PPARGC1A: variants seen among roughly 807,000 people sequenced by gnomAD.
The protein encoded by PPARGC1A is peroxisome proliferator-activated receptor gamma coactivator 1-alpha.
Under a neutral mutation model 88.7 loss-of-function variants are expected in PPARGC1A, and 25 were observed. That is an observed-to-expected ratio of 0.28 (90% confidence interval 0.21 to 0.39). PPARGC1A has a LOEUF of 0.39. Among genes scored for constraint, PPARGC1A ranks in the 10% least tolerant of loss-of-function variants. The pLI is 1.00. For synonymous variants in PPARGC1A, 363 were observed against 355.6 expected (o/e 1.02, Z -0.24); for missense variants, 880 against 968.7 (o/e 0.91, Z 1.22).
the PPARGC1A span, among the ~76,000 whole-genome samples, chr4:24,110,180 T>C: frequency 6.6e-6 from 1 of 152,194 alleles, no homozygotes; most frequent in African/African-American, 2.4e-5. Context: ...CCATCTGGTC[T>C]ACCCTACCCA....
chr4:24,188,349 A>C, the PPARGC1A span, among the ~76,000 whole-genome samples: 20 of 152,148 alleles, frequency 1.3e-4, no homozygotes, highest in African/African-American at 4.8e-4. Flanking sequence ...CCATCTTCAC[A>C]TCAGGCTTTC....
chr4:24,268,568 C>T, the PPARGC1A span, among the ~76,000 whole-genome samples: 6 of 152,196 alleles, frequency 3.9e-5, no homozygotes, highest in South Asian at 2.1e-4. Context: ...TTGTTTAAAG[C>T]GTTTCTATGG....
At chr4:24,349,532 G>T in the PPARGC1A span, among the ~76,000 whole-genome samples, 1 of 152,244 alleles carries the variant, frequency 6.6e-6, no homozygotes, top group Admixed American at 6.5e-5. Context: ...GTGTACCTAG[G>T]AGGATTATGG....
chr4:24,208,675 G>A, the PPARGC1A span, among the ~76,000 whole-genome samples: 395 of 126,044 alleles, frequency 3.1e-3, no homozygotes, highest in Non-Finnish European at 4.3e-3. Flanking sequence ...ACCAAACTCA[G>A]AAAAAAAATA....
chr4:24,100,189 A>T, the PPARGC1A span, among the ~76,000 whole-genome samples: 15 of 152,142 alleles, frequency 9.9e-5, no homozygotes, highest in Non-Finnish European at 1.5e-4. Flanking sequence ...TCATTTTAAC[A>T]AGGCTGATTC....
At chr4:23,897,321 G>A (rs1718713310) in intron 1 of PPARGC1A, among the ~76,000 whole-genome samples, 1 of 152,174 alleles carries the variant, frequency 6.6e-6, no homozygotes, top group Admixed American at 6.5e-5. Flanking sequence ...GACAGGTGGA[G>A]TCACTTTGAG....
chr4:24,447,978 C>T, the PPARGC1A span, among the ~76,000 whole-genome samples: 2,403 of 152,258 alleles, frequency 0.016, 70 homozygotes, highest in African/African-American at 0.055. Context: ...CAGAGGGTTC[C>T]CAAGAGTACA....
At chr4:24,042,634 C>T in the PPARGC1A span, among the ~76,000 whole-genome samples, 1 of 152,192 alleles carries the variant, frequency 6.6e-6, no homozygotes, top group Admixed American at 6.6e-5. Flanking sequence ...CAACTGAAGA[C>T]CATGTGAATA....
At chr4:23,828,137 T>C (rs921958764) in intron 5 of PPARGC1A, among the ~76,000 whole-genome samples, 1 of 152,200 alleles carries the variant, frequency 6.6e-6, no homozygotes, top group African/African-American at 2.4e-5. Context: ...CATCATGTGA[T>C]GTTGCAATTC....
At chr4:24,169,811 TG>T in the PPARGC1A span, among the ~76,000 whole-genome samples, 1 of 152,158 alleles carries the variant, frequency 6.6e-6, no homozygotes, top group Non-Finnish European at 1.5e-5. Flanking sequence ...CAATCTAGCC[TG>T]GGTGACAGAG....
the PPARGC1A span, among the ~76,000 whole-genome samples, chr4:24,371,673 G>A: frequency 2.0e-5 from 3 of 151,936 alleles, no homozygotes; most frequent in African/African-American, 7.3e-5. Flanking sequence ...GGGCGCGGTG[G>A]CTCATGCCTG....
the PPARGC1A span, among the ~76,000 whole-genome samples, chr4:24,247,265 A>G: frequency 6.6e-6 from 1 of 152,168 alleles, no homozygotes; most frequent in African/African-American, 2.4e-5. Flanking sequence ...AAAAGGGGAA[A>G]TTGAGTTATC....
chr4:24,237,242 A>ATT, the PPARGC1A span, among the ~76,000 whole-genome samples: 20 of 148,178 alleles, frequency 1.3e-4, 2 homozygotes, highest in African/African-American at 2.0e-4. Flanking sequence ...CCGAGATTGG[A>ATT]TTTTTTTTTT....
chr4:24,169,073 G>T, the PPARGC1A span, among the ~76,000 whole-genome samples: 1 of 152,138 alleles, frequency 6.6e-6, no homozygotes, highest in South Asian at 2.1e-4. Flanking sequence ...TGATAAGTTG[G>T]GTTGATAGTA....
At chr4:23,974,799 A>ATTTTTTTTTTTTTTT in the PPARGC1A span, among the ~76,000 whole-genome samples, 167 of 61,120 alleles carry the variant, frequency 2.7e-3, 11 homozygotes, top group Middle Eastern at 0.018. Context: ...GGCCCGGCTA[A>ATTTTTTTTTTTTTTT]TTTTTTTTTT....
intron 2 of PPARGC1A, among the ~76,000 whole-genome samples, chr4:23,860,722 GAAGC>G (rs1301802409): frequency 6.6e-6 from 1 of 152,128 alleles, no homozygotes; most frequent in African/African-American, 2.4e-5. Context: ...AGAAGCCAAA[GAAGC>G]AAGGAACAAA....
the PPARGC1A span, among the ~76,000 whole-genome samples, chr4:24,416,520 T>G: frequency 6.6e-6 from 1 of 152,134 alleles, no homozygotes; most frequent in African/African-American, 2.4e-5. Context: ...AAGACCTGAC[T>G]GCACTTGGCA....
chr4:23,948,766 C>T, the PPARGC1A span, among the ~76,000 whole-genome samples: 35 of 152,236 alleles, frequency 2.3e-4, 1 homozygote, highest in Non-Finnish European at 4.6e-4. Flanking sequence ...TATATGATCA[C>T]TCTGTTTTCA....
At chr4:23,937,115 C>T in the PPARGC1A span, among the ~76,000 whole-genome samples, 1 of 151,488 alleles carries the variant, frequency 6.6e-6, no homozygotes, top group Non-Finnish European at 1.5e-5. Context: ...GAATGATACA[C>T]CTCTTTTACC....
Sources: gnomAD v4.1 joint callset for allele counts (sites outside exome capture counted in the v4.1 genomes callset) on GRCh38, gnomAD v4.1.1 for gene constraint, MANE v1.5 for transcripts, NCBI Gene and HGNC (gene_info 2026-07-23, HGNC 2026-07-21) for gene names.